The following C13orf42 variants were observed in gnomAD, a reference collection of about 807,000 sequenced individuals.
The protein encoded by C13orf42 is uncharacterized protein C13orf42.
chr13:51,114,677 G>A (rs913260115), upstream of C13orf42, among the ~76,000 whole-genome samples: 2 of 152,094 alleles, frequency 1.3e-5, no homozygotes, highest in African/African-American at 2.4e-5. Context: ...CAGACAGACA[G>A]ACAGACAGAC....
chr13:51,169,184 C>T (rs185864702), intron 1 of C13orf42, among the ~76,000 whole-genome samples: 118 of 152,230 alleles, frequency 7.8e-4, no homozygotes, highest in African/African-American at 2.6e-3. Context: ...CAGAAGAAGA[C>T]AGGAAGATGA....
intron 1 of C13orf42, among the ~76,000 whole-genome samples, chr13:51,162,694 A>G (rs999688123): frequency 6.6e-6 from 1 of 152,134 alleles, no homozygotes. Context: ...GAAGCTGGCA[A>G]AGAAGGAGAT....
intron 1 of C13orf42, among the ~76,000 whole-genome samples, chr13:51,160,088 C>CCA (rs1953853453): frequency 6.6e-6 from 1 of 152,206 alleles, no homozygotes; most frequent in African/African-American, 2.4e-5. Context: ...TGGGTCCCTC[C>CCA]CACAACACGT....
chr13:51,137,101 T>C (rs1953663547), intron 1 of C13orf42, among the ~76,000 whole-genome samples: 1 of 152,226 alleles, frequency 6.6e-6, no homozygotes, highest in Admixed American at 6.5e-5. Flanking sequence ...CGCAGATCTA[T>C]GTGTCTGTGC....
At chr13:51,167,631 G>A (rs1024389624) in intron 1 of C13orf42, among the ~76,000 whole-genome samples, 9 of 152,190 alleles carry the variant, frequency 5.9e-5, no homozygotes, top group African/African-American at 2.2e-4. Context: ...AAGTCTCTTT[G>A]TGATACAAAA....
intron 1 of C13orf42, among the ~76,000 whole-genome samples, chr13:51,101,445 C>T (rs182824024): frequency 2.6e-4 from 40 of 152,218 alleles, no homozygotes; most frequent in African/African-American, 9.6e-4. Flanking sequence ...TAATCAATTA[C>T]ATAATGGCTA....
At chr13:51,100,290 T>C (rs915173100) in intron 1 of C13orf42, among the ~76,000 whole-genome samples, 2 of 152,132 alleles carry the variant, frequency 1.3e-5, no homozygotes, top group East Asian at 1.9e-4. Flanking sequence ...CAGACAAAAA[T>C]TGAAGACACA....
At chr13:51,138,817 C>G (rs1953676210) in intron 1 of C13orf42, among the ~76,000 whole-genome samples, 2 of 152,110 alleles carry the variant, frequency 1.3e-5, no homozygotes, top group Admixed American at 1.3e-4. Context: ...TCACAACAGC[C>G]AAAATGTGGA....
intron 1 of C13orf42, among the ~76,000 whole-genome samples, chr13:51,129,680 A>G (rs898655358): frequency 2.6e-5 from 4 of 151,994 alleles, no homozygotes; most frequent in Non-Finnish European, 5.9e-5. Context: ...TATCTCCTCT[A>G]TAAAGTTTTG....
At chr13:51,115,781 C>T (rs746714103), upstream of C13orf42, among the ~76,000 whole-genome samples, 14 of 152,156 alleles carry the variant, frequency 9.2e-5, no homozygotes, top group Non-Finnish European at 1.5e-4. Flanking sequence ...AGTTCGACAA[C>T]GTGTATCCCA....
chr13:51,119,490 G>A (rs942143893), intron 1 of C13orf42, among the ~76,000 whole-genome samples: 16 of 152,096 alleles, frequency 1.1e-4, no homozygotes, highest in African/African-American at 3.4e-4. Context: ...ATCGCCAAGA[G>A]GTGGAAGCAA....
At chr13:51,091,297 T>C (rs1372674546) in intron 1 of C13orf42, among the ~76,000 whole-genome samples, 1 of 152,302 alleles carries the variant, frequency 6.6e-6, no homozygotes, top group East Asian at 1.9e-4. Flanking sequence ...GTGACGTTAT[T>C]TGTGGCTGAC....
intron 1 of C13orf42, among the ~76,000 whole-genome samples, chr13:51,099,910 A>C (rs1219778872): frequency 6.6e-6 from 1 of 152,270 alleles, no homozygotes; most frequent in Non-Finnish European, 1.5e-5. Flanking sequence ...AGTTAATAAA[A>C]TGTTGCTCAT....
At chr13:51,091,466 T>G (rs1953179749) in intron 1 of C13orf42, among the ~76,000 whole-genome samples, 1 of 152,132 alleles carries the variant, frequency 6.6e-6, no homozygotes, top group African/African-American at 2.4e-5. Flanking sequence ...TGCTTTATTC[T>G]CCTACTTAGC....
intron 1 of C13orf42, among the ~76,000 whole-genome samples, chr13:51,098,254 T>C (rs1953255498): frequency 6.6e-6 from 1 of 152,142 alleles, no homozygotes; most frequent in African/African-American, 2.4e-5. Context: ...TGTCAGTATT[T>C]TTCTGCAAGA....
intron 1 of C13orf42, among the ~76,000 whole-genome samples, chr13:51,138,389 A>T (rs777619655): frequency 6.6e-6 from 1 of 152,176 alleles, no homozygotes; most frequent in African/African-American, 2.4e-5. Flanking sequence ...AAAACCTAAT[A>T]ACCTAATTTT....
At position 51,171,415 on chromosome 13, in the gene C13orf42, C is replaced by T. The variant is rs1953950461; in HGVS notation, n.136+838G>A. Among the ~76,000 whole-genome samples, 3 of 152,132 alleles carry T rather than the reference C, an allele frequency of 2.0e-5. No individual in the cohort carries two copies. The South Asian group carries it at 6.2e-4, about 32-fold the overall frequency. On this transcript the variant is annotated intron_variant and non_coding_transcript_variant, in intron 1 of 4. Transcript: ENST00000433280. ...TCAGTCCCTTCCTAGTCTCTGTGAC[C>T]AGTGCAACTCGTCCCAAATCTTCCT...
In C13orf42 at chr13:51,164,710, G is replaced by GA. The variant is rs568083084; in HGVS notation, n.136+7542dup. Reference sequence around the variant, plus strand: ...CTGAATAACAATTTTTGAAAACCATGAAATTATTTAGAACCTAGATGTACA... The same window carrying GA: ...CTGAATAACAATTTTTGAAAACCATGAAAATTATTTAGAACCTAGATGTACA... On this transcript the variant is annotated intron_variant and non_coding_transcript_variant, in intron 1 of 4. Transcript: ENST00000433280. Among the ~76,000 whole-genome samples the GA allele has an allele frequency of 2.6e-5, 4 of 152,270 alleles. No homozygotes were observed. The East Asian group carries it at 7.7e-4, about 29-fold the overall frequency.
chr13:51,112,388 A>G (rs1389758061), upstream of C13orf42, among the ~76,000 whole-genome samples: 3 of 152,264 alleles, frequency 2.0e-5, no homozygotes, highest in East Asian at 5.8e-4. Context: ...AGAGAAAGAA[A>G]AGATTCACGG....
Sources: allele counts gnomAD v4.1 joint callset (sites outside exome capture counted in the v4.1 genomes callset), GRCh38; gene constraint gnomAD v4.1.1; transcripts MANE v1.5; gene names NCBI Gene and HGNC (gene_info 2026-07-23, HGNC 2026-07-21).